The following CEMIP variants were observed in gnomAD, a reference collection of about 807,000 sequenced individuals.
CEMIP encodes the protein cell migration-inducing and hyaluronan-binding protein.
In CEMIP, 105 loss-of-function variants were observed where a neutral mutation model predicts 156.9. That is an observed-to-expected ratio of 0.67 (90% CI 0.57 to 0.79). The LOEUF is 0.79. Ranked by LOEUF, CEMIP falls within the 30% of genes least tolerant of loss-of-function variation. The pLI, the probability that CEMIP is intolerant of heterozygous loss-of-function variation, is 0.00. For synonymous variants in CEMIP, 676 were observed against 668.4 expected (o/e 1.01, Z -0.17); for missense variants, 1,457 against 1,769.4 (o/e 0.82, Z 3.17).
intron 1 of CEMIP, among the ~76,000 whole-genome samples, chr15:80,837,740 A>C (rs888523939): frequency 6.6e-6 from 1 of 152,206 alleles, no homozygotes; most frequent in Non-Finnish European, 1.5e-5. Context: ...GGACATTATT[A>C]GTGTCATTTC....
At chr15:80,910,097 CCAGCTA>C (rs1475618059) in intron 14 of CEMIP, among the ~76,000 whole-genome samples, 10 of 152,300 alleles carry the variant, frequency 6.6e-5, no homozygotes, top group African/African-American at 1.9e-4. Context: ...TAAGCTGAAT[CCAGCTA>C]CACGATGTGT....
At chr15:80,907,284 T>C (rs1899847927) in intron 13 of CEMIP, among the ~76,000 whole-genome samples, 1 of 152,212 alleles carries the variant, frequency 6.6e-6, no homozygotes, top group Admixed American at 6.5e-5. Flanking sequence ...CAGCATTGGC[T>C]GGGCGTGGTG....
At chr15:80,942,466 G>T in intron 27 of CEMIP, 129 bp downstream of exon 27, 1 of 791,128 alleles carries the variant, frequency 1.3e-6, no homozygotes, top group Non-Finnish European at 2.2e-6. Context: ...CCTCCAGGGG[G>T]CTTGGGGCGG....
chr15:80,844,582 C>T (rs1376406061), intron 1 of CEMIP, among the ~76,000 whole-genome samples: 1 of 152,198 alleles, frequency 6.6e-6, no homozygotes, highest in Non-Finnish European at 1.5e-5. Context: ...AGAGGAATGT[C>T]TATTCATTTC....
intron 14 of CEMIP, among the ~76,000 whole-genome samples, chr15:80,910,357 A>C (rs1181007447): frequency 6.6e-6 from 1 of 152,178 alleles, no homozygotes; most frequent in East Asian, 1.9e-4. Context: ...TGTTACAATT[A>C]CTGTAAAACC....
In CEMIP at chr15:80,808,786, C is replaced by CA. The variant is rs34648120; in HGVS notation, c.-176+29185dup. 4.1e-3 allele frequency among the ~76,000 whole-genome samples: 596 copies of CA among 144,138 alleles called. 4 individuals are homozygous for CA. The highest frequency in any genetic ancestry group is 0.02 in the South Asian group (92 of 4,546). 94.6% of individuals were successfully genotyped at this position (144,138 alleles called of 152,430 possible). On this transcript the variant is annotated intron_variant, in intron 1 of 29. Transcript: ENST00000394685. ...CAAGCGAAATAACATATGGGGAAGCCAAAAAAAAAAAAATACCTGTAAAGA... is the reference window on the plus strand; with the variant it reads ...CAAGCGAAATAACATATGGGGAAGCCAAAAAAAAAAAAAATACCTGTAAAGA...
chr15:80,890,302 G>T (rs530831177), intron 10 of CEMIP, among the ~76,000 whole-genome samples: 1 of 152,146 alleles, frequency 6.6e-6, no homozygotes, highest in East Asian at 1.9e-4. Flanking sequence ...ATTTGAGCTG[G>T]GCTCAGTGGA....
chr15:80,942,592 C>T lies in CEMIP; in HGVS notation c.3699+255C>T, dbSNP rs575582962. ...TGTGGGCTTTTCTCCTGAGTGTCTG[C>T]GTCTCACCTCTCCTCCTGCCTTTCT... On this transcript the variant is annotated intron_variant, in intron 27 of 29. Transcript: ENST00000394685. 2.0e-5 allele frequency among the ~76,000 whole-genome samples: 3 copies of T among 152,298 alleles called. No homozygotes were observed. The East Asian group carries it at 5.8e-4, about 29-fold the overall frequency.
intron 1 of CEMIP, among the ~76,000 whole-genome samples, chr15:80,810,185 C>T (rs1176557964): frequency 2.0e-5 from 3 of 152,068 alleles, no homozygotes; most frequent in South Asian, 2.1e-4. Flanking sequence ...TGTGCAATAT[C>T]GTGACATTAT....
chr15:80,926,836 C>CTTTTTTTTTTTTT lies in CEMIP; in HGVS notation c.2420+1093_2420+1094insTTTTTTTTTTTTT, dbSNP rs796068914. ...TGAGCGGGTGGGGGGGGGGGGTCTT[C>CTTTTTTTTTTTTT]TTTTTTTTTTTTGAGATGGAGTCTT... is the stretch of plus-strand genomic sequence containing the variant. On this transcript the variant is annotated intron_variant, in intron 19 of 29. Transcript: ENST00000394685. Among the ~76,000 whole-genome samples, 8 of 106,772 alleles carry CTTTTTTTTTTTTT rather than the reference C, an allele frequency of 7.5e-5. 2 individuals carry two copies. The highest frequency in any genetic ancestry group is 4.1e-4 in the African/African-American group (8 of 19,282). The allele number at this position is 106,772 out of a possible 152,430, so 70.0% of individuals were successfully genotyped here.
chr15:80,948,036 G>C (rs1039654010), intron 29 of CEMIP: 1 of 152,744 alleles, frequency 6.5e-6, no homozygotes, highest in African/African-American at 2.4e-5. Context: ...AGGACATAAG[G>C]AAAAGAGAAG....
chr15:80,919,345 C>T lies in CEMIP; in HGVS notation c.1798-749C>T, dbSNP rs114971043. 7.4e-3 allele frequency among the ~76,000 whole-genome samples: 1,129 copies of T among 152,308 alleles called. 13 individuals are homozygous for T. The highest frequency in any genetic ancestry group is 0.026 in the African/African-American group (1,063 of 41,560). Reference sequence around the variant, plus strand: ...GGATCTCCTCTGTGGAGTCCCTCCACGGTAAGTCCTTGTACACAGGGCACT... The same window carrying T: ...GGATCTCCTCTGTGGAGTCCCTCCATGGTAAGTCCTTGTACACAGGGCACT... On this transcript the variant is annotated intron_variant, in intron 14 of 29. Coordinates refer to ENST00000394685, the MANE Select transcript of CEMIP (RefSeq NM_001293298.2).
At chr15:80,829,990 G>GCGTGTT (rs1555428893) in intron 1 of CEMIP, among the ~76,000 whole-genome samples, 1 of 149,178 alleles carries the variant, frequency 6.7e-6, no homozygotes, top group East Asian at 2.0e-4. Flanking sequence ...GTGTGTGTGT[G>GCGTGTT]TGTGTGTGTG....
intron 28 of CEMIP, among the ~76,000 whole-genome samples, chr15:80,945,265 G>C (rs984779327): frequency 1.3e-5 from 2 of 152,206 alleles, no homozygotes; most frequent in African/African-American, 4.8e-5. Context: ...ACATAGGTAG[G>C]CAGGCTTCTG....
intron 27 of CEMIP, 105 bp downstream of exon 27, chr15:80,942,442 G>A (rs577404388): frequency 2.1e-5 from 21 of 983,304 alleles, no homozygotes; most frequent in Non-Finnish European, 3.2e-5. Flanking sequence ...GCAAGGTGTT[G>A]GCAGGGGTGG....
At chr15:80,795,887 A>G (rs1427251740) in intron 1 of CEMIP, among the ~76,000 whole-genome samples, 1 of 152,144 alleles carries the variant, frequency 6.6e-6, no homozygotes, top group African/African-American at 2.4e-5. Flanking sequence ...CCATGATTGT[A>G]CCACTACACT....
intron 5 of CEMIP, among the ~76,000 whole-genome samples, chr15:80,880,519 C>T (rs1347486368): frequency 6.6e-6 from 1 of 152,156 alleles, no homozygotes; most frequent in Non-Finnish European, 1.5e-5. Context: ...TCACCACAAC[C>T]TCTGCCTCCT....
rs752743980 is a variant in CEMIP at position 80,929,114 on chromosome 15, A to T, written c.2552A>T (p.Asp851Val). 1 of 1,614,230 alleles carries T rather than the reference A, an allele frequency of 6.2e-7. No homozygotes were observed. Among genetic ancestry groups the T allele is most frequent in the Non-Finnish European group, 8.5e-7 (1 of 1,180,052 alleles). ...ESGNVGTEMM[D>V]NRIWGPGGLD... is the part of the protein sequence containing the mutation. Reference sequence around the variant, plus strand: ...GGCAACGTGGGGACGGAAATGATGGACAATAGGATCTGGGGCCCTGGCGGC... The same window carrying T: ...GGCAACGTGGGGACGGAAATGATGGTCAATAGGATCTGGGGCCCTGGCGGC... The change falls in exon 21 of 30, where the codon GAC becomes GTC. Residue 851 changes from aspartate (D) to valine (V), a missense_variant. By Grantham distance (152) the Asp-to-Val change is radical. Around this residue, in one of 5 missense-constraint regions of CEMIP, gnomAD observed 798 missense variants for 980.1 expected, o/e 0.81. Transcript: ENST00000394685.
intron 12 of CEMIP, among the ~76,000 whole-genome samples, chr15:80,900,247 A>G (rs73500471): frequency 0.04 from 6,091 of 152,224 alleles, 426 homozygotes; most frequent in African/African-American, 0.14. Flanking sequence ...GTGTCCATGC[A>G]GGAGAGCTGC....
Sources: gnomAD v4.1 joint callset for allele counts (sites outside exome capture counted in the v4.1 genomes callset) on GRCh38, gnomAD v4.1.1 for gene constraint, gnomAD v4.1.1 regional missense constraint, MANE v1.5 for transcripts, NCBI Gene and HGNC (gene_info 2026-07-23, HGNC 2026-07-21) for gene names.